The following MTIF2 variants were observed in gnomAD, a reference collection of about 807,000 sequenced individuals.
The protein encoded by MTIF2 is translation initiation factor IF-2, mitochondrial.
Under a neutral mutation model 83.5 loss-of-function variants are expected in MTIF2, and 71 were observed. The ratio of observed to expected loss-of-function variants is 0.85; its 90% CI spans 0.70 to 1.04. The LOEUF (loss-of-function observed/expected upper bound fraction) is 1.04. MTIF2 is among the 50% of genes least tolerant of loss of function. MTIF2 has a pLI of 0.00. For synonymous variants in MTIF2, 319 were observed against 287.1 expected, an observed-to-expected ratio of 1.11 and a Z score of -1.12; for missense variants, 957 against 846.5, an observed-to-expected ratio of 1.13 and a Z score of -1.62.
intron 9 of MTIF2, among the ~76,000 whole-genome samples, chr2:55,246,853 TTTTG>T (rs1193598582): frequency 2.6e-5 from 4 of 152,256 alleles, no homozygotes; most frequent in Admixed American, 1.3e-4. Flanking sequence ...TGCTTTCTTT[TTTTG>T]TTTAAGTTCT....
At chr2:55,254,240 C>T in intron 6 of MTIF2, 39 bp from the exon 7 acceptor site, 1 of 1,595,300 alleles carries the variant, frequency 6.3e-7, no homozygotes, top group Non-Finnish European at 8.5e-7. Flanking sequence ...TCTTAAATAT[C>T]AGAAATACTT....
At chr2:55,245,032 G>A (rs1353609069) in intron 10 of MTIF2, among the ~76,000 whole-genome samples, 1 of 151,902 alleles carries the variant, frequency 6.6e-6, no homozygotes, top group Non-Finnish European at 1.5e-5. Context: ...GGGTGACAGA[G>A]TGAGACTGCA....
At position 55,263,832 on chromosome 2, in the gene MTIF2, C is replaced by A; in HGVS notation, c.27G>T (p.Glu9Asp). The A allele has an allele frequency of 6.2e-7, 1 of 1,613,748 alleles. No individual in the cohort carries two copies. Reference sequence around the variant, plus strand: ...AAATAGTGTGAAATCGTAGCAAGTTCTCCAACTTCAGTAGCTTCTGGTTCA... The same window carrying A: ...AAATAGTGTGAAATCGTAGCAAGTTATCCAACTTCAGTAGCTTCTGGTTCA... Reference protein sequence around the residue: MNQKLLKLENLLRFHTIYR... With the variant: MNQKLLKLDNLLRFHTIYR... The change falls in exon 4 of 16, where the codon GAG (glutamate) becomes GAT (aspartate). Residue 9 changes from glutamate to aspartate, a missense_variant. Glu to Asp is a conservative substitution (Grantham distance 45). This residue lies in a region of MTIF2 where 733 missense variants were observed against 648.7 expected (regional missense o/e 1.13). Transcript: ENST00000263629.
rs980655752 is a variant in MTIF2, at chr2:55,241,358, C to T, written c.1706-1183G>A. Among the ~76,000 whole-genome samples the T allele has an allele frequency of 3.4e-5, 5 of 148,232 alleles. No homozygotes were observed. In the South Asian group the frequency reaches 6.5e-4, roughly 19 times the overall value. On this transcript the variant is annotated intron_variant, in intron 13 of 15. Transcript: ENST00000263629. ...TCTTGAACCCAGGAGGTGGTGGGTG[C>T]GGTGAGCCAAGATTACGCCACTGCA...
intron 5 of MTIF2, among the ~76,000 whole-genome samples, chr2:55,256,446 G>A (rs1159189031): frequency 4.0e-5 from 6 of 151,622 alleles, no homozygotes; most frequent in South Asian, 2.1e-4. Context: ...GGTGGCTCAC[G>A]CCTGTAATCC....
intron 15 of MTIF2, among the ~76,000 whole-genome samples, 177 bp downstream of exon 15, chr2:55,237,107 AACAT>A (rs1282503550): frequency 3.9e-5 from 6 of 152,220 alleles, no homozygotes; most frequent in African/African-American, 7.2e-5. Flanking sequence ...GGGTAAAACC[AACAT>A]ACATCTCAGG....
intron 11 of MTIF2, 99 bp downstream of exon 11, chr2:55,243,930 G>C (rs554574469): frequency 9.0e-7 from 1 of 1,113,676 alleles, no homozygotes; most frequent in East Asian, 2.6e-5. Context: ...TTATAATCTA[G>C]ATTTGTTAAC....
intron 4 of MTIF2, among the ~76,000 whole-genome samples, chr2:55,263,254 G>A (rs1221271597): frequency 6.6e-6 from 1 of 152,206 alleles, no homozygotes; most frequent in Non-Finnish European, 1.5e-5. Flanking sequence ...GTTTTACACT[G>A]ATTTCCAAGG....
chr2:55,253,925 A>T lies in MTIF2; in HGVS notation c.664+116T>A, dbSNP rs939591692. On this transcript the variant is annotated intron_variant, in intron 7 of 15. Transcript: ENST00000263629. Reference sequence around the variant, plus strand: ...TGCTCTACATTTCATCAAACTAATGACTGCAAGCTTTAGCCTTCTCTTGTA... The same window carrying T: ...TGCTCTACATTTCATCAAACTAATGTCTGCAAGCTTTAGCCTTCTCTTGTA... 4.6e-6 allele frequency: 5 copies of T among 1,080,402 alleles called. No homozygotes were observed. In the African/African-American group the frequency reaches 6.4e-5, roughly 14 times the overall value. The allele number at this position is 1,080,402 out of a possible 1,614,324, so 66.9% of individuals were successfully genotyped here.
intron 4 of MTIF2, 104 bp from the exon 5 acceptor site, chr2:55,262,531 CTTTTTTTTTCTTTTTTTTT>C (rs1678091402): frequency 3.1e-6 from 1 of 326,050 alleles, no homozygotes; most frequent in African/African-American, 2.9e-5. Context: ...ACATTTCTTT[CTTTTTTTTTCTTTTTTTTT>C]TTTTTTTTTT....
intron 8 of MTIF2, among the ~76,000 whole-genome samples, chr2:55,252,159 G>T (rs1357813134): frequency 6.6e-6 from 1 of 151,956 alleles, no homozygotes; most frequent in Non-Finnish European, 1.5e-5. Flanking sequence ...TTATGTGATG[G>T]ATAGATCGAA....
chr2:55,245,732 G>A (rs2917779), intron 10 of MTIF2, among the ~76,000 whole-genome samples: 105,572 of 151,998 alleles, frequency 0.69, 38,006 homozygotes, highest in Non-Finnish European at 0.79. Context: ...TGGGATGTTA[G>A]GTGTTTCTTA....
At chr2:55,241,495 C>T (rs1363238169) in intron 13 of MTIF2, among the ~76,000 whole-genome samples, 5 of 151,348 alleles carry the variant, frequency 3.3e-5, no homozygotes, top group Non-Finnish European at 7.4e-5. Context: ...AAAAAATTAA[C>T]CCAAACAGTT....
chr2:55,255,635 T>C (rs746904791), intron 5 of MTIF2, among the ~76,000 whole-genome samples: 9 of 151,214 alleles, frequency 6.0e-5, no homozygotes, highest in Middle Eastern at 3.2e-3. Flanking sequence ...GAACACTAGA[T>C]AGGAATTCAG....
intron 5 of MTIF2, among the ~76,000 whole-genome samples, chr2:55,260,425 A>G (rs1677879645): frequency 6.6e-6 from 1 of 151,994 alleles, no homozygotes; most frequent in African/African-American, 2.4e-5. Flanking sequence ...AAAAAGCCAA[A>G]CAGTGTGCTA....
chr2:55,243,338 T>C, intron 12 of MTIF2, 78 bp downstream of exon 12: 2 of 1,329,512 alleles, frequency 1.5e-6, no homozygotes, highest in Non-Finnish European at 2.1e-6. Context: ...TTCATGTAAA[T>C]GTAAAGGCCC....
chr2:55,249,022 C>T (rs1197983557), intron 9 of MTIF2, among the ~76,000 whole-genome samples: 2 of 151,976 alleles, frequency 1.3e-5, no homozygotes, highest in African/African-American at 4.8e-5. Context: ...GCCTGTAGCC[C>T]CAACTACTCA....
Position 55,254,332 on chromosome 2 carries a change from AT to A in MTIF2, c.504-132del, listed in dbSNP as rs1327006368. The A allele has an allele frequency of 7.0e-6, 7 of 1,003,430 alleles. No homozygotes were observed. The African/African-American group carries it at 1.6e-4, about 22-fold the overall frequency. 62.2% of individuals were successfully genotyped at this position (1,003,430 alleles called of 1,614,324 possible). On this transcript the variant is annotated intron_variant, in intron 6 of 15. Coordinates refer to ENST00000263629, the MANE Select transcript of MTIF2 (RefSeq NM_002453.3). ...CCAATATTCAGTGTGGATTAGACCTATTTCCCCCTCCTATACATATGACAGA... is the reference window on the plus strand; with the variant it reads ...CCAATATTCAGTGTGGATTAGACCTATTCCCCCTCCTATACATATGACAGA...
In MTIF2 at chr2:55,252,527, CCAT is replaced by C; in HGVS notation, c.788_790del (p.Asp263del). ...AGATTCTACAGTTTGTTTCATCACT[CCAT>C]CATCTGCAGCTACAACCAATACGAC... On this transcript the variant is annotated inframe_deletion, in exon 8 of 16. Coordinates refer to ENST00000263629, the MANE Select transcript of MTIF2 (RefSeq NM_002453.3). 6.2e-7 allele frequency: 1 copy of C among 1,614,192 alleles called. No homozygotes were observed. Among genetic ancestry groups the C allele is most frequent in the East Asian group, 2.2e-5 (1 of 44,880 alleles).
Sources: allele counts gnomAD v4.1 joint callset (sites outside exome capture counted in the v4.1 genomes callset), GRCh38; gene constraint gnomAD v4.1.1; regional missense constraint gnomAD v4.1.1; transcripts MANE v1.5; gene names NCBI Gene and HGNC (gene_info 2026-07-23, HGNC 2026-07-21).